DNAH3: variants seen among roughly 807,000 people sequenced by gnomAD.
DNAH3 encodes dynein axonemal heavy chain 3, also known as axonemal beta dynein heavy chain 3.
Under a neutral mutation model 432.5 loss-of-function variants are expected in DNAH3, and 332 were observed. That is an observed-to-expected ratio of 0.77 (90% CI 0.70 to 0.84). DNAH3 has a LOEUF of 0.84. Among genes scored for constraint, DNAH3 ranks in the 40% least tolerant of loss-of-function variants. The probability of loss-of-function intolerance (pLI) is 0.00; values close to 1 mark genes in which losing one functional copy is unlikely to be tolerated. For missense variants in DNAH3, 4,861 were observed against 5,114.0 expected, an observed-to-expected ratio of 0.95 and a Z score of 1.51; for synonymous variants, 1,956 against 1,900.2, an observed-to-expected ratio of 1.03 and a Z score of -0.76.
At chr16:21,010,083 C>T (rs906180810) in intron 41 of DNAH3, among the ~76,000 whole-genome samples, 14 of 152,142 alleles carry the variant, frequency 9.2e-5, no homozygotes, top group African/African-American at 2.4e-4. Flanking sequence ...ATGTCAAACT[C>T]GGAAAATCAC....
chr16:20,941,260 A>G (rs1296226213), intron 59 of DNAH3, 141 bp downstream of exon 59: 1 of 917,544 alleles, frequency 1.1e-6, no homozygotes, highest in Non-Finnish European at 1.7e-6. Flanking sequence ...GGATGGTCCT[A>G]TTCACAGCCC....
chr16:20,997,230 C>T, intron 44 of DNAH3, 53 bp downstream of exon 44: 1 of 1,580,500 alleles, frequency 6.3e-7, no homozygotes, highest in Non-Finnish European at 8.6e-7. Context: ...TAAAGGTGGC[C>T]CAGCTCTGCT....
At chr16:20,979,624 G>A in intron 49 of DNAH3, 78 bp from the exon 50 acceptor site, 1 of 1,312,898 alleles carries the variant, frequency 7.6e-7, no homozygotes, top group East Asian at 2.3e-5. Context: ...TTATAGACAT[G>A]AGGATATGAG....
At position 20,954,727 on chromosome 16, in the gene DNAH3, C is replaced by T. The variant is rs2084481128; in HGVS notation, c.11071+86G>A. ...TCTTACTGGCAACCCTATCTGAGCGCAAGCTTAAACACGCACCTGGAAACA... is the reference window on the plus strand; with the variant it reads ...TCTTACTGGCAACCCTATCTGAGCGTAAGCTTAAACACGCACCTGGAAACA... On this transcript the variant is annotated intron_variant, in intron 55 of 61. Coordinates refer to ENST00000261383, the Ensembl canonical transcript of DNAH3. 7 of 1,485,254 alleles carry T rather than the reference C, an allele frequency of 4.7e-6. No individual in the cohort carries two copies. In the East Asian group the frequency reaches 1.1e-4, roughly 24 times the overall value. The allele number at this position is 1,485,254 out of a possible 1,614,324, so 92.0% of individuals were successfully genotyped here.
intron 15 of DNAH3, among the ~76,000 whole-genome samples, chr16:21,105,618 T>C (rs953783002): frequency 2.6e-5 from 4 of 151,632 alleles, no homozygotes; most frequent in African/African-American, 9.7e-5. Flanking sequence ...ATACAAAAAT[T>C]AGTTGGGCGT....
chr16:20,950,609 C>T (rs2084268770), intron 56 of DNAH3, among the ~76,000 whole-genome samples: 3 of 152,130 alleles, frequency 2.0e-5, no homozygotes, highest in Non-Finnish European at 2.9e-5. Flanking sequence ...CAGTGTCTGC[C>T]ACGTGCCTGG....
chr16:21,031,630 T>G (rs1443597068), intron 36 of DNAH3, among the ~76,000 whole-genome samples: 4 of 151,880 alleles, frequency 2.6e-5, no homozygotes, highest in Non-Finnish European at 5.9e-5. Flanking sequence ...GACTGAGACA[T>G]CTGGATAGGC....
At chr16:20,987,882 GAGGGGCC>G in intron 45 of DNAH3, 33 bp from the exon 46 acceptor site, 1 of 1,614,028 alleles carries the variant, frequency 6.2e-7, no homozygotes, top group Non-Finnish European at 8.5e-7. Flanking sequence ...AGTAGTCAAG[GAGGGGCC>G]AGAAACTGAG....
chr16:21,148,956 C>T (rs867784659), intron 1 of DNAH3, among the ~76,000 whole-genome samples: 4 of 152,084 alleles, frequency 2.6e-5, no homozygotes, highest in Non-Finnish European at 5.9e-5. Flanking sequence ...CTTGGCCAGC[C>T]GTGGTAGCTA....
intron 53 of DNAH3, among the ~76,000 whole-genome samples, chr16:20,962,517 G>A (rs1441099637): frequency 6.6e-6 from 1 of 152,228 alleles, no homozygotes; most frequent in Non-Finnish European, 1.5e-5. Flanking sequence ...GCCAGCTCAT[G>A]CTGACAATGC....
chr16:20,954,970 C>A (rs1166323552), exon 55 of DNAH3: 2 of 1,614,144 alleles, frequency 1.2e-6, no homozygotes, highest in South Asian at 2.2e-5. Flanking sequence ...TGGCCCGGAG[C>A]CCTTTGGGGG....
chr16:20,975,344 C>CT lies in DNAH3; in HGVS notation c.8147dup (p.Met2717AspfsTer6), dbSNP rs1245957439. 6.2e-7 allele frequency: 1 copy of CT among 1,614,052 alleles called. No individual in the cohort carries two copies. The highest frequency in any genetic ancestry group is 8.5e-7 in the Non-Finnish European group (1 of 1,180,050). ...TCTCCGCTTCAATTTTCACCATCAT[C>CT]TTGGCAGTTTCCTCGGAGGTGAGGA... is the stretch of plus-strand genomic sequence containing the variant. On this transcript the variant is annotated frameshift_variant, in exon 51 of 62. Coordinates refer to ENST00000261383, the Ensembl canonical transcript of DNAH3. LOFTEE classifies it high-confidence loss of function.
At chr16:21,038,744 A>G (rs2089289460) in intron 33 of DNAH3, among the ~76,000 whole-genome samples, 2 of 152,224 alleles carry the variant, frequency 1.3e-5, no homozygotes, top group Non-Finnish European at 2.9e-5. Context: ...TTGGTGACTC[A>G]ATAAAGGTTT....
intron 18 of DNAH3, 60 bp downstream of exon 18, chr16:21,097,295 G>T: frequency 6.3e-7 from 1 of 1,593,886 alleles, no homozygotes; most frequent in South Asian, 1.1e-5. Context: ...TTTCAGAAGT[G>T]ACTGGGTGGA....
chr16:21,145,956 A>G, intron 2 of DNAH3, 28 bp downstream of exon 3: 1 of 1,449,600 alleles, frequency 6.9e-7, no homozygotes, highest in Non-Finnish European at 9.7e-7. Context: ...CACCCTCAAC[A>G]GAAGAGCTGG....
chr16:21,152,941 G>A (rs989899213), intron 1 of DNAH3, among the ~76,000 whole-genome samples: 2 of 152,202 alleles, frequency 1.3e-5, no homozygotes, highest in African/African-American at 2.4e-5. Flanking sequence ...CCTGCTCCAC[G>A]GCGCCCAGTC....
chr16:21,068,004 T>G (rs1254796138), intron 23 of DNAH3, among the ~76,000 whole-genome samples: 1 of 152,080 alleles, frequency 6.6e-6, no homozygotes. Flanking sequence ...CAAACAACCT[T>G]AACTAATAAA....
chr16:21,049,819 C>A, intron 30 of DNAH3, 91 bp downstream of exon 30: 1 of 1,367,174 alleles, frequency 7.3e-7, no homozygotes, highest in Non-Finnish European at 1.0e-6. Context: ...CCTGTTAATG[C>A]TAAACCATCT....
At chr16:21,104,651 T>C in intron 15 of DNAH3, 57 bp from the exon 16 acceptor site, 1 of 1,021,848 alleles carries the variant, frequency 9.8e-7, no homozygotes, top group South Asian at 1.3e-5. Flanking sequence ...CGGGTCAGCA[T>C]GTGGCGAATT....
Sources: gnomAD v4.1 joint callset for allele counts (sites outside exome capture counted in the v4.1 genomes callset) on GRCh38, gnomAD v4.1.1 for gene constraint, MANE v1.5 for transcripts, NCBI Gene and HGNC (gene_info 2026-07-23, HGNC 2026-07-21) for gene names.